Variants in PTK2 observed in about 807,000 individuals in gnomAD.
PTK2 encodes protein tyrosine kinase 2, also known as focal adhesion kinase 1.
In PTK2, 45 loss-of-function variants were observed where a neutral mutation model predicts 150.1. The observed-to-expected ratio is 0.30, with a 90% CI of 0.24 to 0.38. The LOEUF (loss-of-function observed/expected upper bound fraction) is 0.38. Ranked by LOEUF, PTK2 falls within the 10% of genes least tolerant of loss-of-function variation. The pLI is 1.00. For synonymous variants in PTK2, 432 were observed against 449.2 expected (o/e 0.96, Z 0.48); for missense variants, 919 against 1,307.3 (o/e 0.70, Z 4.58).
chr8:140,713,273 T>C (rs2154214036), intron 23 of PTK2, among the ~76,000 whole-genome samples: 1 of 152,278 alleles, frequency 6.6e-6, no homozygotes, highest in African/African-American at 2.4e-5. Context: ...CATCCTTTTG[T>C]TTTTTGAGAC....
intron 5 of PTK2, among the ~76,000 whole-genome samples, chr8:140,850,586 C>T (rs1322753165): frequency 1.3e-5 from 2 of 149,260 alleles, no homozygotes; most frequent in African/African-American, 4.9e-5. Context: ...AAAAATTATC[C>T]GGGCGTGGTG....
At chr8:140,735,531 C>T in intron 21 of PTK2, 76 bp from the exon 25 acceptor site, 1 of 1,444,482 alleles carries the variant, frequency 6.9e-7, no homozygotes, top group Non-Finnish European at 9.7e-7. Flanking sequence ...GAACATTGTT[C>T]TTCTAGGCAC....
chr8:140,723,530 T>C (rs1238932254), intron 22 of PTK2, among the ~76,000 whole-genome samples: 1 of 152,220 alleles, frequency 6.6e-6, no homozygotes, highest in African/African-American at 2.4e-5. Context: ...TTACAGCTGC[T>C]GAAGAATCCA....
At chr8:140,764,348 T>C in intron 14 of PTK2, 58 bp from the exon 17 acceptor site, 1 of 1,300,414 alleles carries the variant, frequency 7.7e-7, no homozygotes, top group Non-Finnish European at 1.1e-6. Flanking sequence ...TCCTGGTATT[T>C]CATATAATTA....
chr8:140,820,123 A>G (rs1455944976), intron 8 of PTK2, among the ~76,000 whole-genome samples: 2 of 63,972 alleles, frequency 3.1e-5, no homozygotes, highest in Non-Finnish European at 6.1e-5. Flanking sequence ...TTTTTTAAAT[A>G]GGGTCTCACT....
At chr8:140,961,518 C>T (rs1422646848) in intron 1 of PTK2, among the ~76,000 whole-genome samples, 2 of 151,836 alleles carry the variant, frequency 1.3e-5, no homozygotes, top group African/African-American at 4.8e-5. Context: ...AAAAATTAGC[C>T]GGGCGTGGTG....
At chr8:140,728,837 C>T (rs1371453099) in intron 22 of PTK2, among the ~76,000 whole-genome samples, 2 of 152,120 alleles carry the variant, frequency 1.3e-5, no homozygotes, top group Non-Finnish European at 2.9e-5. Context: ...TTTATTTAAT[C>T]TTGAGAATAT....
At chr8:140,827,137 C>T (rs2100112255) in intron 8 of PTK2, among the ~76,000 whole-genome samples, 1 of 152,116 alleles carries the variant, frequency 6.6e-6, no homozygotes, top group African/African-American at 2.4e-5. Flanking sequence ...ACTCTGCACT[C>T]TCTGCATACT....
intron 14 of PTK2, among the ~76,000 whole-genome samples, chr8:140,771,959 T>TA (rs1359922401): frequency 6.6e-6 from 1 of 151,966 alleles, no homozygotes; most frequent in East Asian, 1.9e-4. Context: ...TTTGTATTTT[T>TA]TTTTTTTTTA....
intron 1 of PTK2, among the ~76,000 whole-genome samples, chr8:140,929,690 T>C (rs999005703): frequency 2.0e-5 from 3 of 152,114 alleles, no homozygotes; most frequent in Admixed American, 2.0e-4. Context: ...TAAAGGTCCA[T>C]TCAGTTTATT....
rs949694871 is a variant in PTK2 at position 140,938,434 on chromosome 8, T to G, written c.-121-12685A>C. 1.6e-4 allele frequency among the ~76,000 whole-genome samples: 24 copies of G among 152,190 alleles called. 1 individual carries two copies. Among genetic ancestry groups the G allele is most frequent in the Non-Finnish European group, 3.2e-4 (22 of 68,014 alleles). On this transcript the variant is annotated intron_variant, in intron 1 of 31. Transcript: ENST00000522684. ...TTAATCCCCTTGCTGCAGACATACC[T>G]AGAGAGAACACCGCCCCACTCCTTT...
intron 4 of PTK2, among the ~76,000 whole-genome samples, chr8:140,875,978 T>A (rs549278680): frequency 3.9e-5 from 6 of 152,244 alleles, no homozygotes; most frequent in Non-Finnish European, 8.8e-5. Flanking sequence ...TAGCTTGTAT[T>A]GTAATTGCCT....
chr8:140,958,638 C>A (rs1030211567), intron 1 of PTK2, among the ~76,000 whole-genome samples: 9 of 152,214 alleles, frequency 5.9e-5, no homozygotes, highest in African/African-American at 2.2e-4. Flanking sequence ...CACACTGAGA[C>A]GTAAGTGTAA....
chr8:140,774,489 T>C (rs1191303700), intron 14 of PTK2, among the ~76,000 whole-genome samples: 4 of 152,182 alleles, frequency 2.6e-5, no homozygotes, highest in African/African-American at 7.2e-5. Flanking sequence ...GGAGTGTCTC[T>C]CCAGCATGGA....
chr8:140,990,876 T>C (rs1009422870), intron 1 of PTK2, among the ~76,000 whole-genome samples: 1 of 152,148 alleles, frequency 6.6e-6, no homozygotes, highest in African/African-American at 2.4e-5. Context: ...TCCTCAATTA[T>C]CAACATGCTG....
intron 10 of PTK2, 33 bp downstream of exon 10, chr8:140,818,244 C>CT: frequency 6.4e-6 from 10 of 1,554,964 alleles, no homozygotes; most frequent in Non-Finnish European, 8.9e-6. Context: ...CTTTGTGTAA[C>CT]GCCAAGTTCC....
intron 14 of PTK2, among the ~76,000 whole-genome samples, 170 bp downstream of exon 15, chr8:140,770,546 C>T (rs2100074890): frequency 6.6e-6 from 1 of 152,152 alleles, no homozygotes; most frequent in African/African-American, 2.4e-5. Flanking sequence ...TGACATAAAA[C>T]CTTGCCCCCA....
chr8:140,734,757 T>C (rs750219345), intron 22 of PTK2: 4 of 518,212 alleles, frequency 7.7e-6, no homozygotes, highest in Non-Finnish European at 1.5e-5. Context: ...GAAGCCTTCC[T>C]GAAGCAGGTA....
chr8:140,924,592 G>A (rs1568995661), intron 2 of PTK2, among the ~76,000 whole-genome samples: 1 of 152,106 alleles, frequency 6.6e-6, no homozygotes, highest in East Asian at 1.9e-4. Context: ...TGTATATGCT[G>A]GACGTCAGTG....
Sources: allele counts gnomAD v4.1 joint callset (sites outside exome capture counted in the v4.1 genomes callset), GRCh38; gene constraint gnomAD v4.1.1; transcripts MANE v1.5; gene names NCBI Gene and HGNC (gene_info 2026-07-23, HGNC 2026-07-21).